CELF1: variants seen among roughly 807,000 people sequenced by gnomAD.
CELF1 encodes the protein CUGBP Elav-like family member 1.
Under a neutral mutation model 61.8 loss-of-function variants are expected in CELF1, and 10 were observed. The observed-to-expected ratio is 0.16, with a 90% confidence interval of 0.10 to 0.27. CELF1 has a LOEUF of 0.27. CELF1 is among the 10% of genes least tolerant of loss of function. The pLI, the probability that CELF1 is intolerant of heterozygous loss-of-function variation, is 1.00. For missense variants in CELF1, 380 were observed against 639.1 expected (o/e 0.59, Z 4.37); for synonymous variants, 236 against 225.1 (o/e 1.05, Z -0.43).
At chr11:47,480,252 A>C (rs761271714) in intron 9 of CELF1, among the ~76,000 whole-genome samples, 2 of 152,184 alleles carry the variant, frequency 1.3e-5, no homozygotes, top group Non-Finnish European at 2.9e-5. Flanking sequence ...ACACCCAGCT[A>C]ATTTTTGTAT....
chr11:47,543,926 A>C (rs757165829), intron 1 of CELF1, among the ~76,000 whole-genome samples: 19 of 152,218 alleles, frequency 1.2e-4, no homozygotes, highest in Non-Finnish European at 2.4e-4. Flanking sequence ...AAGAGACCCA[A>C]GTGTCCCCTA....
chr11:47,503,524 C>G (rs1265772301), intron 1 of CELF1, among the ~76,000 whole-genome samples: 1 of 152,110 alleles, frequency 6.6e-6, no homozygotes, highest in Admixed American at 6.6e-5. Context: ...TAAAAATCAC[C>G]ATCAATCTAT....
At chr11:47,539,339 A>T (rs2153716125) in intron 1 of CELF1, among the ~76,000 whole-genome samples, 1 of 152,282 alleles carries the variant, frequency 6.6e-6, no homozygotes. Flanking sequence ...GGGGCTAAGG[A>T]GGGTATGGGG....
chr11:47,540,864 G>A (rs1336038271), intron 1 of CELF1, among the ~76,000 whole-genome samples: 4 of 151,516 alleles, frequency 2.6e-5, no homozygotes, highest in East Asian at 1.9e-4. Flanking sequence ...CAGCCTGGGC[G>A]ACAGAGAGAG....
chr11:47,517,653 GA>G (rs145046792), intron 1 of CELF1, among the ~76,000 whole-genome samples: 4 of 151,638 alleles, frequency 2.6e-5, no homozygotes, highest in African/African-American at 7.2e-5. Context: ...CTATTCTACA[GA>G]AATTTTTTTT....
At chr11:47,558,651 A>T (rs2097214863) in intron 2 of CELF1, among the ~76,000 whole-genome samples, 1 of 104,622 alleles carries the variant, frequency 9.6e-6, no homozygotes, top group African/African-American at 4.1e-5. Flanking sequence ...AATATATTAG[A>T]TATAATATAT....
rs1447447558 is a variant in CELF1 at position 47,499,504 on chromosome 11, T to C, written c.20A>G (p.Asp7Gly). 6.5e-7 allele frequency: 1 copy of C among 1,535,946 alleles called. No homozygotes were observed. The highest frequency in any genetic ancestry group is 1.4e-5 in the African/African-American group (1 of 73,126). The change falls in exon 3 of 15, where the codon GAT becomes GGT. Residue 7 changes from aspartate to glycine, a missense_variant. Transcript: ENST00000687097. MAAFKL[D>G]FLPEMMVDHC... ...ATCCACCATCATTTCTGGAAGGAAA[T>C]CCAACTTAAACGCAGCCATCACCTC...
At chr11:47,560,673 G>A (rs1027933907) in intron 2 of CELF1, among the ~76,000 whole-genome samples, 1 of 152,104 alleles carries the variant, frequency 6.6e-6, no homozygotes, top group African/African-American at 2.4e-5. Context: ...GCAACCCTGT[G>A]AGTATATTAA....
chr11:47,470,558 GTACAACAGTAAGATGGTCA>G lies in CELF1; in HGVS notation c.*1653_*1671del, dbSNP rs2077459791. 6.6e-6 allele frequency: 1 copy of G among 152,206 alleles called. No individual in the cohort carries two copies. The highest frequency in any genetic ancestry group is 2.1e-4 in the South Asian group (1 of 4,832). The allele number at this position is 152,206 out of a possible 1,614,324, so 9.4% of individuals were successfully genotyped here. ...GATAATCCAACACCACCAGCTACCT[GTACAACAGTAAGATGGTCA>G]ATCCCTGTCTGTTACCCACAGGGAC... On this transcript the variant is annotated 3_prime_UTR_variant, in exon 15 of 15. Coordinates refer to ENST00000687097, the MANE Select transcript of CELF1 (RefSeq NM_001376376.1).
chr11:47,520,157 G>A (rs752919654), intron 1 of CELF1, among the ~76,000 whole-genome samples: 3 of 151,996 alleles, frequency 2.0e-5, no homozygotes, highest in African/African-American at 7.3e-5. Flanking sequence ...CAGAAAATAC[G>A]ACTTGCACTA....
At chr11:47,486,305 GTTC>G (rs1320680627) in intron 6 of CELF1, among the ~76,000 whole-genome samples, 2 of 151,626 alleles carry the variant, frequency 1.3e-5, no homozygotes, top group East Asian at 3.9e-4. Flanking sequence ...TGTCAGCTCT[GTTC>G]TTCATCATAC....
rs2097185316 is a variant in CELF1, at chr11:47,553,100, G to C, written c.-262C>G. 2 of 398,600 alleles carry C rather than the reference G, an allele frequency of 5.0e-6. No homozygotes were observed. 24.7% of individuals were successfully genotyped at this position (398,600 alleles called of 1,614,324 possible). On this transcript the variant is annotated 5_prime_UTR_variant, in exon 1 of 15. Transcript: ENST00000687097. Reference sequence around the variant, plus strand: ...AATCCCGGGGGAGCCTCCGCGTCCCGCCGCCGCTGCCGCTGCCGCCAGAGC... The same window carrying C: ...AATCCCGGGGGAGCCTCCGCGTCCCCCCGCCGCTGCCGCTGCCGCCAGAGC...
chr11:47,482,682 C>A lies in CELF1; in HGVS notation c.768+13G>T. 1 of 1,610,072 alleles carries A rather than the reference C, an allele frequency of 6.2e-7. No individual in the cohort carries two copies. The highest frequency in any genetic ancestry group is 2.2e-5 in the East Asian group (1 of 44,768). ...CTTGCACAGTCTGCAGAAAGCAAAC[C>A]ACAAAGACTCACTGCTAAATACTGG... is the stretch of plus-strand genomic sequence containing the variant. On this transcript the variant is annotated intron_variant, in intron 9 of 14. Transcript: ENST00000687097.
chr11:47,488,373 C>A (rs1321231758), intron 4 of CELF1, among the ~76,000 whole-genome samples: 1 of 152,214 alleles, frequency 6.6e-6, no homozygotes, highest in African/African-American at 2.4e-5. Flanking sequence ...TCCCGCAAGG[C>A]CTCTGTAATA....
intron 1 of CELF1, among the ~76,000 whole-genome samples, chr11:47,516,964 A>C (rs2095589048): frequency 6.6e-6 from 1 of 152,178 alleles, no homozygotes; most frequent in African/African-American, 2.4e-5. Flanking sequence ...GTATCTCATC[A>C]ATATTGAAAA....
In CELF1 at chr11:47,472,243, C is replaced by G; in HGVS notation, c.1532G>C (p.Ser511Thr). The G allele has an allele frequency of 6.2e-7, 1 of 1,614,090 alleles. No homozygotes were observed. Among genetic ancestry groups the G allele is most frequent in the South Asian group, 1.1e-5 (1 of 91,082 alleles). ...AGGGGAGCACGCTCAGTAGGGCTTGCTGTCATTCTTCGAACGTTTGAGCTG... is the reference window on the plus strand; with the variant it reads ...AGGGGAGCACGCTCAGTAGGGCTTGGTGTCATTCTTCGAACGTTTGAGCTG... Reference protein sequence around the residue: ...KVQLKRSKNDSKPY With the variant: ...KVQLKRSKNDTKPY The change falls in exon 15 of 15, where the codon AGC (serine) becomes ACC (threonine). Residue 511 changes from serine (S) to threonine (T), a missense_variant. Transcript: ENST00000687097.
upstream of CELF1, among the ~76,000 whole-genome samples, chr11:47,554,382 G>T (rs895184388): frequency 2.6e-5 from 4 of 152,144 alleles, no homozygotes; most frequent in African/African-American, 7.2e-5. Context: ...CTTACAGAAT[G>T]TTGTCACAAA....
intron 1 of CELF1, among the ~76,000 whole-genome samples, chr11:47,551,560 A>T (rs558291384): frequency 6.6e-6 from 1 of 152,340 alleles, no homozygotes; most frequent in South Asian, 2.1e-4. Context: ...AGAAAGGGTG[A>T]TTCTATATTG....
intron 8 of CELF1, 114 bp from the exon 9 acceptor site, chr11:47,482,970 T>G: frequency 1.1e-6 from 1 of 921,758 alleles, no homozygotes; most frequent in Non-Finnish European, 1.6e-6. Flanking sequence ...TGCCAAATGA[T>G]TCTCCTCATG....
Sources: allele counts gnomAD v4.1 joint callset (sites outside exome capture counted in the v4.1 genomes callset), GRCh38; gene constraint gnomAD v4.1.1; transcripts MANE v1.5; gene names NCBI Gene and HGNC (gene_info 2026-07-23, HGNC 2026-07-21).